The following EBF4 variants were observed in gnomAD, a reference collection of about 807,000 sequenced individuals.
EBF4 encodes EBF transcription factor 4, also known as transcription factor COE4.
EBF4 carries 34 observed loss-of-function variants against 67.1 expected under a neutral mutation model. The observed-to-expected ratio is 0.51, with a 90% CI of 0.39 to 0.67. The LOEUF (loss-of-function observed/expected upper bound fraction) is 0.67. Ranked by LOEUF, EBF4 falls within the 30% of genes least tolerant of loss-of-function variation. EBF4 has a pLI of 0.00. For synonymous variants in EBF4, 387 were observed against 377.7 expected, an observed-to-expected ratio of 1.02 and a Z score of -0.29; for missense variants, 837 against 873.3, an observed-to-expected ratio of 0.96 and a Z score of 0.52.
chr20:2,745,637 G>T lies in EBF4; in HGVS notation c.558-2912G>T, dbSNP rs2088038523. 6.6e-6 allele frequency among the ~76,000 whole-genome samples: 1 copy of T among 152,352 alleles called. No individual in the cohort carries two copies. Among genetic ancestry groups the T allele is most frequent in the East Asian group, 1.9e-4 (1 of 5,194 alleles). On this transcript the variant is annotated intron_variant, in intron 6 of 16. Transcript: ENST00000609451. The surrounding 1 kb of genome is among the most constrained non-coding windows in gnomAD (Gnocchi z 5.2). The stretch of plus-strand genomic sequence containing the variant: ...CAGTGGCAAGACCTGCTGAGCAAAG[G>T]CTTGGGGAAGGGCCAGTGAGGGAGC...
chr20:2,729,013 A>G (rs6051339), intron 6 of EBF4, among the ~76,000 whole-genome samples: 94,289 of 152,024 alleles, frequency 0.62, 32,109 homozygotes, highest in African/African-American at 0.89. Context: ...TAGAACAGCT[A>G]CTAGATCTTA....
chr20:2,758,503 T>C (rs997189176), intron 15 of EBF4, among the ~76,000 whole-genome samples: 3 of 152,028 alleles, frequency 2.0e-5, no homozygotes, highest in Non-Finnish European at 4.4e-5. Flanking sequence ...TGGGGAGTGG[T>C]GGAGTGACAA....
At chr20:2,726,757 C>T (rs1011710438) in intron 6 of EBF4, among the ~76,000 whole-genome samples, 1 of 152,058 alleles carries the variant, frequency 6.6e-6, no homozygotes, top group Non-Finnish European at 1.5e-5. Flanking sequence ...CAAAACATAA[C>T]TTCTTGGTGT....
chr20:2,736,537 G>C (rs563825812), intron 6 of EBF4, among the ~76,000 whole-genome samples: 17 of 152,082 alleles, frequency 1.1e-4, no homozygotes, highest in African/African-American at 4.1e-4. Context: ...CTCCTTCCAC[G>C]CTTTCCAGCA....
chr20:2,749,551 G>C (rs755119555), intron 8 of EBF4, 33 bp downstream of exon 8: 3 of 1,539,038 alleles, frequency 1.9e-6, no homozygotes, highest in Non-Finnish European at 2.6e-6. Context: ...CGGCCGCCGC[G>C]GGCCCAGCCA....
chr20:2,715,661 G>A (rs959963097), intron 6 of EBF4, among the ~76,000 whole-genome samples: 1 of 152,208 alleles, frequency 6.6e-6, no homozygotes, highest in Admixed American at 6.5e-5. Context: ...CCAATCTGGT[G>A]GGTGTACAGG....
Position 2,695,606 on chromosome 20 carries a change from C to T in EBF4, c.137+1824C>T, listed in dbSNP as rs565670532. On this transcript the variant is annotated intron_variant, in intron 1 of 16. Transcript: ENST00000609451. ...AGGAGCCCCCACTCGCTTTGTTGTT[C>T]AGCTGACTTTCCTCCCTGTCCCAGA... Among the ~76,000 whole-genome samples the T allele has an allele frequency of 1.1e-3, 169 of 152,294 alleles. 1 individual carries two copies. In the South Asian group the frequency reaches 0.012, roughly 11 times the overall value.
chr20:2,747,645 G>A lies in EBF4; in HGVS notation c.558-904G>A, dbSNP rs1045121561. The stretch of plus-strand genomic sequence containing the variant: ...ATGGATATAAAATGTGTGGGAGGAG[G>A]ATATGCCATGTGGGAGGTGAATTTG... On this transcript the variant is annotated intron_variant, in intron 6 of 16. Coordinates refer to ENST00000609451, the Ensembl canonical transcript of EBF4. The surrounding 1 kb of genome is among the most constrained non-coding windows in gnomAD (Gnocchi z 4.6). Among the ~76,000 whole-genome samples, 1 of 152,178 alleles carries A rather than the reference G, an allele frequency of 6.6e-6. No homozygotes were observed. Among genetic ancestry groups the A allele is most frequent in the Non-Finnish European group, 1.5e-5 (1 of 68,030 alleles).
rs2087479543 is a variant in EBF4, at chr20:2,707,793, C to T, written c.415-154C>T. On this transcript the variant is annotated intron_variant, in intron 4 of 16. Coordinates refer to ENST00000609451, the Ensembl canonical transcript of EBF4. This position sits in a 1 kb window ranked among gnomAD's most constrained non-coding sequence, Gnocchi z 4.6. ...GTTTGGGAGGAGGGGTTATCCCCCG[C>T]CTGGGCAGCCCAGAGCAAGGCAGAG... Among the ~76,000 whole-genome samples, 1 of 152,178 alleles carries T rather than the reference C, an allele frequency of 6.6e-6. No individual in the cohort carries two copies. Among genetic ancestry groups the T allele is most frequent in the Non-Finnish European group, 1.5e-5 (1 of 68,012 alleles).
Position 2,735,945 on chromosome 20 carries a change from A to G in EBF4, c.558-12604A>G, listed in dbSNP as rs531883463. ...TAAGGCTTGAAGACCACACTATCCA[A>G]TAGTACTTTCTGCAATGATGAAAAT... On this transcript the variant is annotated intron_variant, in intron 6 of 16. Transcript: ENST00000609451. Among the ~76,000 whole-genome samples the G allele has an allele frequency of 6.6e-4, 101 of 152,374 alleles. 2 individuals are homozygous for G. Among genetic ancestry groups the G allele is most frequent in the African/African-American group, 1.9e-3 (79 of 41,600 alleles).
In EBF4 at chr20:2,752,346, C is replaced by A; in HGVS notation, c.1352-11C>A. The A allele has an allele frequency of 8.3e-7, 1 of 1,202,124 alleles. No individual in the cohort carries two copies. The highest frequency in any genetic ancestry group is 1.0e-6 in the Non-Finnish European group (1 of 970,816). 74.5% of individuals were successfully genotyped at this position (1,202,124 alleles called of 1,614,324 possible). On this transcript the variant is annotated splice_polypyrimidine_tract_variant and intron_variant, in intron 13 of 16. Coordinates refer to ENST00000609451, the Ensembl canonical transcript of EBF4. ...GGCACCGCCCCCTGACGGCCGCGCT[C>A]TCTCTCGCAGGCTACGCGCGCAGCT...
intron 1 of EBF4, among the ~76,000 whole-genome samples, chr20:2,697,200 T>A (rs974511427): frequency 1.6e-4 from 25 of 152,234 alleles, no homozygotes; most frequent in African/African-American, 5.8e-4. Context: ...GAAGGCCTGC[T>A]AAGATCAGCG....
At position 2,756,883 on chromosome 20, in the gene EBF4, G is replaced by A. The variant is rs371107903; in HGVS notation, c.1738+1059G>A. On this transcript the variant is annotated intron_variant, in intron 15 of 16. Coordinates refer to ENST00000609451, the Ensembl canonical transcript of EBF4. This position sits in a 1 kb window ranked among gnomAD's most constrained non-coding sequence, Gnocchi z 4.5. ...AGCCTTTCATGTGCCAGGGTACGTT[G>A]TGAACCTTCTAGGAAACAGGAGATG... 5.3e-5 allele frequency among the ~76,000 whole-genome samples: 8 copies of A among 152,354 alleles called. No individual in the cohort carries two copies. The highest frequency in any genetic ancestry group is 1.2e-4 in the Non-Finnish European group (8 of 68,042).
Position 2,739,936 on chromosome 20 carries a change from T to C in EBF4, c.558-8613T>C, listed in dbSNP as rs1284507169. The stretch of plus-strand genomic sequence containing the variant: ...TTGGAACATCCTGCCCCAGCTCGTA[T>C]ATCCATTCACTGCATACCTTCTTTC... On this transcript the variant is annotated intron_variant, in intron 6 of 16. Transcript: ENST00000609451. This position sits in a 1 kb window ranked among gnomAD's most constrained non-coding sequence, Gnocchi z 4.5. Among the ~76,000 whole-genome samples, 1 of 152,248 alleles carries C rather than the reference T, an allele frequency of 6.6e-6. No individual in the cohort carries two copies. The highest frequency in any genetic ancestry group is 1.5e-5 in the Non-Finnish European group (1 of 68,040).
intron 14 of EBF4, among the ~76,000 whole-genome samples, chr20:2,753,076 G>A (rs1219196719): frequency 3.3e-5 from 5 of 152,264 alleles, no homozygotes; most frequent in South Asian, 2.1e-4. Context: ...AGTTCTGTGT[G>A]ATCAGACAGA....
intron 1 of EBF4, among the ~76,000 whole-genome samples, chr20:2,702,543 G>A (rs770044181): frequency 2.6e-5 from 4 of 152,134 alleles, no homozygotes; most frequent in African/African-American, 7.2e-5. Context: ...GGGAGGCTCC[G>A]GGGCAAGCTT....
intron 6 of EBF4, among the ~76,000 whole-genome samples, chr20:2,735,026 T>C (rs2087859420): frequency 1.3e-5 from 2 of 151,810 alleles, no homozygotes; most frequent in African/African-American, 4.9e-5. Context: ...TTCCCCACTT[T>C]TTCCTTTAAA....
At position 2,693,598 on chromosome 20, in the gene EBF4, C is replaced by A; in HGVS notation, c.-48C>A. 1 of 1,348,766 alleles carries A rather than the reference C, an allele frequency of 7.4e-7. No individual in the cohort carries two copies. The highest frequency in any genetic ancestry group is 9.5e-7 in the Non-Finnish European group (1 of 1,054,608). The allele number at this position is 1,348,766 out of a possible 1,614,324, so 83.5% of individuals were successfully genotyped here. On this transcript the variant is annotated 5_prime_UTR_variant, in exon 1 of 17. Coordinates refer to ENST00000609451, the Ensembl canonical transcript of EBF4. This position sits in a 1 kb window ranked among gnomAD's most constrained non-coding sequence, Gnocchi z 4.6. ...CTGAGCTAGACGCCCGCAGCCTCAG[C>A]GGGACCGGATCCGGGGCGGCGGGGG...
rs754506851 is a variant in EBF4, at chr20:2,693,747, C to T, written c.102C>T (p.Gly34=). ...GCTCAGTGCGCTCCTGGATGCAGGG[C>T]GCGGGCATCCTGGACGCCAGCACCG... is the stretch of plus-strand genomic sequence containing the variant. Residue 34 remains glycine (G), a synonymous_variant, in exon 1 of 17, where the codon GGC becomes GGT. Coordinates refer to ENST00000609451, the Ensembl canonical transcript of EBF4. The surrounding 1 kb of genome is among the most constrained non-coding windows in gnomAD (Gnocchi z 4.6). 3.7e-6 allele frequency: 5 copies of T among 1,346,338 alleles called. No homozygotes were observed. The highest frequency in any genetic ancestry group is 2.8e-4 in the Middle Eastern group (1 of 3,598). The allele number at this position is 1,346,338 out of a possible 1,614,324, so 83.4% of individuals were successfully genotyped here. A position where few individuals can be genotyped will look rare whatever the true frequency, so the allele number is the denominator to read the frequency against.
Sources: allele counts gnomAD v4.1 joint callset (sites outside exome capture counted in the v4.1 genomes callset), GRCh38; gene constraint gnomAD v4.1.1; non-coding constraint Gnocchi (gnomAD v3.1); transcripts MANE v1.5; gene names NCBI Gene and HGNC (gene_info 2026-07-23, HGNC 2026-07-21).